SORCS3: variants seen among roughly 807,000 people sequenced by gnomAD.
SORCS3 encodes VPS10 domain-containing receptor SorCS3.
Under a neutral mutation model 146.3 loss-of-function variants are expected in SORCS3, and 57 were observed. The ratio of observed to expected loss-of-function variants is 0.39; its 90% CI spans 0.31 to 0.49. The LOEUF (loss-of-function observed/expected upper bound fraction) is 0.49. Ranked by LOEUF, SORCS3 falls within the 20% of genes least tolerant of loss-of-function variation. The pLI, the probability that SORCS3 is intolerant of heterozygous loss-of-function variation, is 0.92. For missense variants in SORCS3, 1,341 were observed against 1,575.5 expected (o/e 0.85, Z 2.52); for synonymous variants, 653 against 618.5 (o/e 1.06, Z -0.83).
At chr10:105,150,351 T>C (rs1399427431) in intron 9 of SORCS3, among the ~76,000 whole-genome samples, 2 of 152,148 alleles carry the variant, frequency 1.3e-5, no homozygotes, top group East Asian at 1.9e-4. Context: ...GACTGTCTTA[T>C]GGAAGCCTGT....
chr10:104,835,203 C>T (rs2018053301), intron 1 of SORCS3, among the ~76,000 whole-genome samples: 2 of 152,088 alleles, frequency 1.3e-5, no homozygotes, highest in African/African-American at 4.8e-5. Flanking sequence ...AGGGGAGGCT[C>T]CTCTAGGTGG....
At chr10:104,928,262 G>A (rs575746425) in intron 3 of SORCS3, among the ~76,000 whole-genome samples, 1 of 152,116 alleles carries the variant, frequency 6.6e-6, no homozygotes, top group Non-Finnish European at 1.5e-5. Context: ...GAAGGCTGGC[G>A]ACCAGCCTCT....
chr10:104,919,329 C>G (rs1403573726), intron 3 of SORCS3, among the ~76,000 whole-genome samples: 4 of 151,806 alleles, frequency 2.6e-5, no homozygotes, highest in Non-Finnish European at 5.9e-5. Context: ...TTTCTTCACT[C>G]AGATTGGGGA....
intron 4 of SORCS3, among the ~76,000 whole-genome samples, chr10:105,037,596 C>A (rs2133700551): frequency 6.6e-6 from 1 of 152,228 alleles, no homozygotes; most frequent in African/African-American, 2.4e-5. Context: ...CCTTATGTGT[C>A]TTTACGTAGG....
chr10:105,223,314 A>G (rs2056715823), intron 20 of SORCS3, 65 bp downstream of exon 20: 2 of 1,490,204 alleles, frequency 1.3e-6, no homozygotes, highest in South Asian at 1.4e-5. Context: ...TCCAGCTTTT[A>G]TGTGTCTATT....
chr10:104,788,435 A>G (rs1293029256), intron 1 of SORCS3, among the ~76,000 whole-genome samples: 2 of 152,224 alleles, frequency 1.3e-5, no homozygotes, highest in East Asian at 1.9e-4. Context: ...AATACGGTGC[A>G]GTATATATAG....
In SORCS3 at chr10:104,798,307, G is replaced by A. The variant is rs763447659; in HGVS notation, c.628-44485G>A. The stretch of plus-strand genomic sequence containing the variant: ...TGTCAGTATCTTAACTCATGTGGCC[G>A]TATAAGTGAGTACCAGTTGACTATC... On this transcript the variant is annotated intron_variant, in intron 1 of 26. Transcript: ENST00000369701. Among the ~76,000 whole-genome samples the A allele has an allele frequency of 7.2e-5, 11 of 152,266 alleles. No homozygotes were observed. The East Asian group carries it at 7.7e-4, about 11-fold the overall frequency.
intron 2 of SORCS3, among the ~76,000 whole-genome samples, chr10:104,871,560 A>T (rs1283821744): frequency 1.3e-5 from 2 of 152,220 alleles, no homozygotes; most frequent in East Asian, 3.9e-4. Context: ...GTATTTAATT[A>T]TGCAGCCTTC....
rs577686685 is a variant in SORCS3 at position 104,688,355 on chromosome 10, T to G, written c.627+46401T>G. ...GCTGCCCAGGCAGAGGCTGCGTGTGTGGGGGGGCAGTTGGAGGGGGGGACC... is the reference window on the plus strand; with the variant it reads ...GCTGCCCAGGCAGAGGCTGCGTGTGGGGGGGGGCAGTTGGAGGGGGGGACC... On this transcript the variant is annotated intron_variant, in intron 1 of 26. Transcript: ENST00000369701. 2.5e-3 allele frequency among the ~76,000 whole-genome samples: 381 copies of G among 151,956 alleles called. 1 individual carries two copies. Among genetic ancestry groups the G allele is most frequent in the Non-Finnish European group, 4.6e-3 (311 of 67,922 alleles).
intron 2 of SORCS3, among the ~76,000 whole-genome samples, chr10:104,873,677 A>G (rs917216824): frequency 6.6e-6 from 1 of 152,168 alleles, no homozygotes; most frequent in African/African-American, 2.4e-5. Flanking sequence ...GCTTGGCATA[A>G]TGCACTTAAT....
At chr10:104,934,266 G>A (rs549215184) in intron 3 of SORCS3, among the ~76,000 whole-genome samples, 1 of 152,212 alleles carries the variant, frequency 6.6e-6, no homozygotes, top group African/African-American at 2.4e-5. Flanking sequence ...CTACCATGGA[G>A]AATCTGATTC....
chr10:104,805,909 T>C lies in SORCS3; in HGVS notation c.628-36883T>C, dbSNP rs547070664. Among the ~76,000 whole-genome samples, 22 of 152,288 alleles carry C rather than the reference T, an allele frequency of 1.4e-4. No homozygotes were observed. In the South Asian group the frequency reaches 4.4e-3, roughly 30 times the overall value. On this transcript the variant is annotated intron_variant, in intron 1 of 26. Coordinates refer to ENST00000369701, the MANE Select transcript of SORCS3 (RefSeq NM_014978.3). ...TCTTTCTTTTTCTCTTTTTCTCTCT[T>C]GCGTGTGTAAGTCGTAGTATTTTGT... is the stretch of plus-strand genomic sequence containing the variant.
At chr10:105,001,816 T>A (rs1589588233) in intron 4 of SORCS3, among the ~76,000 whole-genome samples, 1 of 152,308 alleles carries the variant, frequency 6.6e-6, no homozygotes, top group East Asian at 1.9e-4. Context: ...AGGCACAATA[T>A]GTCTTTCAAT....
At chr10:104,744,570 C>T (rs1469204091) in intron 1 of SORCS3, among the ~76,000 whole-genome samples, 1 of 152,180 alleles carries the variant, frequency 6.6e-6, no homozygotes, top group Non-Finnish European at 1.5e-5. Flanking sequence ...ACATTTGAAA[C>T]TTGCTTAAAA....
At chr10:105,119,325 CA>C (rs1465865692) in intron 7 of SORCS3, among the ~76,000 whole-genome samples, 1 of 152,130 alleles carries the variant, frequency 6.6e-6, no homozygotes, top group Non-Finnish European at 1.5e-5. Context: ...CCTGGATGTC[CA>C]GGCAGAGTTG....
chr10:105,195,014 G>T (rs531689626), intron 14 of SORCS3, among the ~76,000 whole-genome samples: 1 of 152,312 alleles, frequency 6.6e-6, no homozygotes, highest in South Asian at 2.1e-4. Context: ...TGAAGAAAGA[G>T]CTCAGTGTTG....
In SORCS3 at chr10:105,214,529, T is replaced by A. The variant is rs1227975471; in HGVS notation, c.2463T>A (p.Pro821=). 1 of 1,613,696 alleles carries A rather than the reference T, an allele frequency of 6.2e-7. No homozygotes were observed. The highest frequency in any genetic ancestry group is 1.1e-5 in the South Asian group (1 of 91,046). Residue 821 remains proline (P), a synonymous_variant, in exon 18 of 27, where the codon CCT becomes CCA. Transcript: ENST00000369701. ...CCCAGATGTGCCCTGGAAAAGCCCC[T>A]CGGGGCCTCCATGTGGTGACGACCG... ...AKAQMCPGKA[P]RGLHVVTTDG... is the part of the protein sequence containing the mutation.
chr10:104,725,693 G>A (rs896730096), intron 1 of SORCS3, among the ~76,000 whole-genome samples: 6 of 152,210 alleles, frequency 3.9e-5, no homozygotes, highest in Admixed American at 2.6e-4. Flanking sequence ...CCCTCCCCCA[G>A]CCTCACTGCC....
At chr10:105,060,078 A>C (rs2055474312) in intron 5 of SORCS3, among the ~76,000 whole-genome samples, 2 of 152,216 alleles carry the variant, frequency 1.3e-5, no homozygotes, top group Non-Finnish European at 1.5e-5. Context: ...CAGGAGACAG[A>C]TACAGCCTGT....
Sources: gnomAD v4.1 joint callset for allele counts (sites outside exome capture counted in the v4.1 genomes callset) on GRCh38, gnomAD v4.1.1 for gene constraint, MANE v1.5 for transcripts, NCBI Gene and HGNC (gene_info 2026-07-23, HGNC 2026-07-21) for gene names.